RNF216: variants seen among roughly 807,000 people sequenced by gnomAD.
RNF216 encodes the protein ring finger protein 216, also known as E3 ubiquitin-protein ligase RNF216.
Under a neutral mutation model 110.8 loss-of-function variants are expected in RNF216, and 72 were observed. The observed-to-expected ratio is 0.65, with a 90% CI of 0.54 to 0.79. RNF216 has a LOEUF of 0.79. Ranked by LOEUF, RNF216 falls within the 30% of genes least tolerant of loss-of-function variation. The pLI is 0.00. For synonymous variants in RNF216, 495 were observed against 407.5 expected, an observed-to-expected ratio of 1.21 and a Z score of -2.59; for missense variants, 1,342 against 1,141.2, an observed-to-expected ratio of 1.18 and a Z score of -2.54.
chr7:5,706,701 C>T (rs1307499551), intron 13 of RNF216, among the ~76,000 whole-genome samples: 1 of 152,216 alleles, frequency 6.6e-6, no homozygotes, highest in African/African-American at 2.4e-5. Flanking sequence ...GAGATCCTTT[C>T]CCAAAGGATT....
chr7:5,725,559 T>A (rs904964640), intron 7 of RNF216, 121 bp from the exon 8 acceptor site: 10 of 657,838 alleles, frequency 1.5e-5, no homozygotes, highest in Non-Finnish European at 2.4e-5. Context: ...GGCTAACAAT[T>A]GGTAGTGGCA....
At chr7:5,744,558 G>C (rs1320781982) in intron 3 of RNF216, among the ~76,000 whole-genome samples, 2 of 152,112 alleles carry the variant, frequency 1.3e-5, no homozygotes, top group Non-Finnish European at 2.9e-5. Context: ...TTAAGACAAA[G>C]TAGAACAACA....
At chr7:5,689,489 AG>A (rs1287399327) in intron 13 of RNF216, among the ~76,000 whole-genome samples, 1 of 151,990 alleles carries the variant, frequency 6.6e-6, no homozygotes, top group Non-Finnish European at 1.5e-5. Flanking sequence ...CACTTTCTGG[AG>A]GCCATTTTCT....
rs771925449 is a variant in RNF216 at position 5,739,334 on chromosome 7, C to T, written c.1063G>A (p.Val355Ile). The T allele has an allele frequency of 6.3e-7, 1 of 1,598,164 alleles. No individual in the cohort carries two copies. The highest frequency in any genetic ancestry group is 1.4e-5 in the African/African-American group (1 of 73,890). Reference sequence around the variant, plus strand: ...ATTTCCTCAATAAACCCATTTGCTACATCTGGAAATCTTGCTTCCTAGAAA... The same window carrying T: ...ATTTCCTCAATAAACCCATTTGCTATATCTGGAAATCTTGCTTCCTAGAAA... Reference protein sequence around the residue: ...VKETEARFPDVANGFIEEIIH... With the variant: ...VKETEARFPDIANGFIEEIIH... Residue 355 changes from valine (V) to isoleucine (I), a missense_variant, in exon 5 of 17, where the codon GTA (valine) becomes ATA (isoleucine). Physicochemically the swap from Val to Ile is conservative, Grantham distance 29 (BLOSUM62 3). Coordinates refer to ENST00000389902, the MANE Select transcript of RNF216 (RefSeq NM_207111.4).
At chr7:5,712,900 A>G in intron 11 of RNF216, 37 bp from the exon 12 acceptor site, 1 of 1,577,710 alleles carries the variant, frequency 6.3e-7, no homozygotes, top group Non-Finnish European at 8.6e-7. Context: ...AAAAAAATCA[A>G]TACCATTTAT....
chr7:5,717,246 G>C (rs1793122887), intron 9 of RNF216, among the ~76,000 whole-genome samples: 1 of 152,158 alleles, frequency 6.6e-6, no homozygotes, highest in South Asian at 2.1e-4. Flanking sequence ...CCAGCTACTT[G>C]GGAGGCTGAA....
intron 1 of RNF216, among the ~76,000 whole-genome samples, chr7:5,767,877 G>C (rs1230915227): frequency 1.3e-5 from 2 of 152,130 alleles, no homozygotes; most frequent in African/African-American, 4.8e-5. Flanking sequence ...GGGATTACAG[G>C]CATGAGCCAC....
At chr7:5,638,187 C>T (rs963017290) in intron 15 of RNF216, among the ~76,000 whole-genome samples, 6 of 152,122 alleles carry the variant, frequency 3.9e-5, no homozygotes, top group Non-Finnish European at 4.4e-5. Context: ...TGTTTGTTTT[C>T]GATGTGAAAA....
intron 13 of RNF216, among the ~76,000 whole-genome samples, chr7:5,674,563 G>A (rs1790144796): frequency 6.6e-6 from 1 of 151,982 alleles, no homozygotes; most frequent in Admixed American, 6.6e-5. Flanking sequence ...AGGAGGTCGA[G>A]GCTGCAGTGA....
chr7:5,700,569 CAG>C (rs1348596830), intron 13 of RNF216, among the ~76,000 whole-genome samples: 1 of 152,162 alleles, frequency 6.6e-6, no homozygotes, highest in Non-Finnish European at 1.5e-5. Flanking sequence ...CTGATCCCCA[CAG>C]GCTGTGACAA....
chr7:5,626,422 A>AG (rs1447296720), intron 15 of RNF216, among the ~76,000 whole-genome samples: 1 of 151,942 alleles, frequency 6.6e-6, no homozygotes, highest in African/African-American at 2.4e-5. Context: ...TAAAAAAAAA[A>AG]AAAAGAAAAA....
chr7:5,766,746 C>T (rs1480753049), intron 1 of RNF216: 1 of 152,174 alleles, frequency 6.6e-6, no homozygotes, highest in South Asian at 2.1e-4. Context: ...ACAGAAACAA[C>T]ACATATAGCA....
At chr7:5,666,212 T>TA (rs1409150272) in intron 13 of RNF216, among the ~76,000 whole-genome samples, 1 of 150,082 alleles carries the variant, frequency 6.7e-6, no homozygotes, top group African/African-American at 2.4e-5. Flanking sequence ...GAGCTCCTAC[T>TA]AAGGACTATG....
At chr7:5,723,267 C>A (rs1190869412) in intron 8 of RNF216, among the ~76,000 whole-genome samples, 1 of 152,092 alleles carries the variant, frequency 6.6e-6, no homozygotes, top group African/African-American at 2.4e-5. Context: ...AAATTTTCAC[C>A]TATTATTTCT....
chr7:5,652,672 GAAGAGGTT>G (rs1788470308), intron 13 of RNF216, among the ~76,000 whole-genome samples, 162 bp from the exon 14 acceptor site: 1 of 152,130 alleles, frequency 6.6e-6, no homozygotes, highest in South Asian at 2.1e-4. Flanking sequence ...TCTTTTAATA[GAAGAGGTT>G]AAGAGGTGGT....
At chr7:5,707,917 G>C (rs1364128388) in intron 13 of RNF216, among the ~76,000 whole-genome samples, 2 of 152,112 alleles carry the variant, frequency 1.3e-5, no homozygotes, top group African/African-American at 4.8e-5. Flanking sequence ...AGTAGAGACA[G>C]AGTTTTGCCA....
rs1373586195 is a variant in RNF216 at position 5,660,736 on chromosome 7, C to A, written c.2062-8226G>T. On this transcript the variant is annotated intron_variant, in intron 13 of 16. Coordinates refer to ENST00000389902, the MANE Select transcript of RNF216 (RefSeq NM_207111.4). The stretch of plus-strand genomic sequence containing the variant: ...GGGACCACAGGTGTGCACCACCATG[C>A]CTGGCTAATTTTTTGTAGAGATGGG... Among the ~76,000 whole-genome samples, 3 of 151,914 alleles carry A rather than the reference C, an allele frequency of 2.0e-5. No homozygotes were observed. The East Asian group carries it at 5.8e-4, about 29-fold the overall frequency.
At chr7:5,623,727 C>T (rs1296073948) in intron 16 of RNF216, among the ~76,000 whole-genome samples, 4 of 152,150 alleles carry the variant, frequency 2.6e-5, no homozygotes, top group African/African-American at 9.7e-5. Context: ...TGCCAACACA[C>T]CTGGCTTCAC....
chr7:5,775,566 C>A (rs1420436326), intron 1 of RNF216, among the ~76,000 whole-genome samples: 4 of 151,988 alleles, frequency 2.6e-5, no homozygotes, highest in African/African-American at 9.7e-5. Flanking sequence ...CTTTGACTTC[C>A]CAGCAAAAAG....
Sources: gnomAD v4.1 joint callset for allele counts (sites outside exome capture counted in the v4.1 genomes callset) on GRCh38, gnomAD v4.1.1 for gene constraint, MANE v1.5 for transcripts, NCBI Gene and HGNC (gene_info 2026-07-23, HGNC 2026-07-21) for gene names.